Variants in RTF1 observed in about 807,000 individuals in gnomAD.
RTF1 encodes RTF1 homolog, Paf1/RNA polymerase II complex component.
A neutral mutation model predicts 95.7 loss-of-function variants in RTF1; 10 were observed. That is an observed-to-expected ratio of 0.10 (90% confidence interval 0.06 to 0.18). The LOEUF is 0.18. Ranked by LOEUF, RTF1 falls within the 10% of genes least tolerant of loss-of-function variation. RTF1 has a pLI of 1.00. For synonymous variants in RTF1, 305 were observed against 311.8 expected, an observed-to-expected ratio of 0.98 and a Z score of 0.23; for missense variants, 458 against 875.6, an observed-to-expected ratio of 0.52 and a Z score of 6.02.
intron 3 of RTF1, among the ~76,000 whole-genome samples, chr15:41,454,324 C>T (rs2050802349): frequency 6.6e-6 from 1 of 152,082 alleles, no homozygotes; most frequent in African/African-American, 2.4e-5. Flanking sequence ...CTCCTGACCT[C>T]AGGTGATCCA....
rs866236669 is a variant in RTF1, at chr15:41,452,199, G to A, written c.310-702G>A. Among the ~76,000 whole-genome samples the A allele has an allele frequency of 3.3e-5, 5 of 152,170 alleles. No homozygotes were observed. The East Asian group carries it at 7.7e-4, about 23-fold the overall frequency. ...ACCTGTAATCCCAGCATTTTGGGAC[G>A]CCAAGGCAGGCAAATTGCTTGAGCT... On this transcript the variant is annotated intron_variant, in intron 2 of 17. Coordinates refer to ENST00000389629, the MANE Select transcript of RTF1 (RefSeq NM_015138.5).
chr15:41,475,081 G>T (rs1020902503), intron 9 of RTF1, among the ~76,000 whole-genome samples: 3 of 152,150 alleles, frequency 2.0e-5, no homozygotes, highest in African/African-American at 7.2e-5. Context: ...TTCCTCTTCA[G>T]TAAAATGAAA....
chr15:41,437,921 A>G lies in RTF1; in HGVS notation c.199-400A>G, dbSNP rs2050713016. On this transcript the variant is annotated intron_variant, in intron 1 of 17. Coordinates refer to ENST00000389629, the MANE Select transcript of RTF1 (RefSeq NM_015138.5). ...TTGTAAGCTTATTCAAAACTGCCCCACAAATGCCAATTTTACCATTAAAAT... is the reference window on the plus strand; with the variant it reads ...TTGTAAGCTTATTCAAAACTGCCCCGCAAATGCCAATTTTACCATTAAAAT... 2.6e-5 allele frequency among the ~76,000 whole-genome samples: 4 copies of G among 152,188 alleles called. No individual in the cohort carries two copies. In the South Asian group the frequency reaches 8.3e-4, roughly 32 times the overall value.
chr15:41,479,097 T>A lies in RTF1; in HGVS notation c.1819-6T>A. 6.2e-7 allele frequency: 1 copy of A among 1,605,964 alleles called. No individual in the cohort carries two copies. Among genetic ancestry groups the A allele is most frequent in the Non-Finnish European group, 8.5e-7 (1 of 1,172,810 alleles). ...AATCTCTAAAACAACTTATTTTCTC[T>A]CTCAGTCCAGAGACCCAGCTGTTCA... is the stretch of plus-strand genomic sequence containing the variant. On this transcript the variant is annotated splice_polypyrimidine_tract_variant and splice_region_variant and intron_variant, in intron 15 of 17. Coordinates refer to ENST00000389629, the MANE Select transcript of RTF1 (RefSeq NM_015138.5).
intron 6 of RTF1, among the ~76,000 whole-genome samples, chr15:41,468,649 C>A (rs956232916): frequency 2.0e-5 from 3 of 152,026 alleles, no homozygotes; most frequent in Non-Finnish European, 2.9e-5. Flanking sequence ...TATTTAGTTA[C>A]CCCCCAGGCA....
Position 41,480,724 on chromosome 15 carries a change from C to A in RTF1, c.*37C>A. On this transcript the variant is annotated 3_prime_UTR_variant, in exon 18 of 18. Transcript: ENST00000389629. ...CTGCTGCTTCTGACCCTGCATGCCC[C>A]ATCGCAGCGTCCCACCTTTCCTCCT... 1 of 1,411,404 alleles carries A rather than the reference C, an allele frequency of 7.1e-7. No homozygotes were observed. The highest frequency in any genetic ancestry group is 1.0e-6 in the Non-Finnish European group (1 of 995,488). 87.4% of individuals were successfully genotyped at this position (1,411,404 alleles called of 1,614,324 possible).
intron 2 of RTF1, among the ~76,000 whole-genome samples, chr15:41,451,124 ACTT>A (rs2050787675): frequency 6.6e-6 from 1 of 152,126 alleles, no homozygotes; most frequent in South Asian, 2.1e-4. Flanking sequence ...AAAAGAATTT[ACTT>A]CTTCTATTAC....
Position 41,457,744 on chromosome 15 carries a change from A to C in RTF1, c.530A>C (p.Glu177Ala). The change falls in exon 4 of 18, where the codon GAG becomes GCG. Residue 177 changes from glutamate to alanine, a missense_variant. Physicochemically the swap from Glu to Ala is moderately radical, Grantham distance 107. This residue lies in a region of RTF1 where 15 missense variants were observed against 28.4 expected (regional missense o/e 0.53). Coordinates refer to ENST00000389629, the MANE Select transcript of RTF1 (RefSeq NM_015138.5). ...TCAGACTCTTCCTCAGAAGATGAAGAGTTCCATGATGGCTATGGAGAAGAC... is the reference window on the plus strand; with the variant it reads ...TCAGACTCTTCCTCAGAAGATGAAGCGTTCCATGATGGCTATGGAGAAGAC... ...SDSDSSSEDEEFHDGYGEDLM... is the reference protein window; with the variant it reads ...SDSDSSSEDEAFHDGYGEDLM... 1 of 1,614,148 alleles carries C rather than the reference A, an allele frequency of 6.2e-7. No individual in the cohort carries two copies. Among genetic ancestry groups the C allele is most frequent in the Non-Finnish European group, 8.5e-7 (1 of 1,180,024 alleles).
intron 3 of RTF1, among the ~76,000 whole-genome samples, chr15:41,455,017 A>T (rs1156833623): frequency 6.6e-6 from 1 of 152,162 alleles, no homozygotes; most frequent in Admixed American, 6.6e-5. Context: ...TGGATAAAGA[A>T]AATGTGTATG....
intron 8 of RTF1, among the ~76,000 whole-genome samples, chr15:41,472,122 C>T (rs2050915279): frequency 6.6e-6 from 1 of 151,920 alleles, no homozygotes. Context: ...TGGTCTTGAA[C>T]TCTTGACCTT....
rs182934683 is a variant in RTF1, at chr15:41,444,594, C to T, written c.309+6163C>T. Among the ~76,000 whole-genome samples the T allele has an allele frequency of 2.5e-3, 387 of 152,138 alleles. 2 individuals carry two copies. Among genetic ancestry groups the T allele is most frequent in the South Asian group, 6.4e-3 (31 of 4,816 alleles). ...ACAGGCGTGACCATCGCGGCCGGCC[C>T]GTTAGATATTATATGTAGTAGTTTT... On this transcript the variant is annotated intron_variant, in intron 2 of 17. Coordinates refer to ENST00000389629, the MANE Select transcript of RTF1 (RefSeq NM_015138.5).
At chr15:41,460,268 G>T (rs1256077592) in intron 4 of RTF1, among the ~76,000 whole-genome samples, 5 of 150,976 alleles carry the variant, frequency 3.3e-5, no homozygotes, top group South Asian at 4.2e-4. Context: ...GATTACAGAC[G>T]CCCGCCACAA....
Position 41,480,423 on chromosome 15 carries a change from A to G in RTF1, c.2026+98A>G, listed in dbSNP as rs115784398. On this transcript the variant is annotated intron_variant, in intron 17 of 17. Transcript: ENST00000389629. ...GCCCACTTTTAGGGAAGAAAGGGGAATGCTGGCTCATCAGCATCCACAGGC... is the reference window on the plus strand; with the variant it reads ...GCCCACTTTTAGGGAAGAAAGGGGAGTGCTGGCTCATCAGCATCCACAGGC... The G allele has an allele frequency of 1.6e-4, 164 of 1,010,568 alleles. 1 individual carries two copies. In the African/African-American group the frequency reaches 2.5e-3, roughly 15 times the overall value. The allele number at this position is 1,010,568 out of a possible 1,614,324, so 62.6% of individuals were successfully genotyped here.
chr15:41,477,024 A>G (rs1215881305), intron 12 of RTF1, 141 bp from the exon 13 acceptor site: 1 of 1,006,604 alleles, frequency 9.9e-7, no homozygotes, highest in Non-Finnish European at 1.5e-6. Context: ...TTTGTAAAGT[A>G]CTTCTACAGT....
At chr15:41,451,307 A>C (rs895822665) in intron 2 of RTF1, among the ~76,000 whole-genome samples, 4 of 152,242 alleles carry the variant, frequency 2.6e-5, no homozygotes, top group African/African-American at 4.8e-5. Flanking sequence ...AAAGTTTCTG[A>C]GTAAAGTATT....
rs140933007 is a variant in RTF1 at position 41,444,503 on chromosome 15, C to G, written c.309+6072C>G. ...AGAGATGGGGTTTCACCGTGTTACC[C>G]AGGCTGGTGTTGAACTCCTGAGCTC... On this transcript the variant is annotated intron_variant, in intron 2 of 17. Transcript: ENST00000389629. Among the ~76,000 whole-genome samples, 636 of 152,134 alleles carry G rather than the reference C, an allele frequency of 4.2e-3. 5 individuals carry two copies. The highest frequency in any genetic ancestry group is 0.014 in the African/African-American group (595 of 41,518).
chr15:41,454,801 A>G lies in RTF1; in HGVS notation c.457+1753A>G, dbSNP rs555034308. 2.6e-5 allele frequency among the ~76,000 whole-genome samples: 4 copies of G among 152,340 alleles called. No individual in the cohort carries two copies. In the South Asian group the frequency reaches 8.3e-4, roughly 32 times the overall value. On this transcript the variant is annotated intron_variant, in intron 3 of 17. Coordinates refer to ENST00000389629, the MANE Select transcript of RTF1 (RefSeq NM_015138.5). ...CCAAACCAAATGAAGTGGACATTTG[A>G]TAACTGTTGCTATTTCAACTTAAAT...
chr15:41,438,561 A>G (rs2050716774), intron 2 of RTF1, 130 bp downstream of exon 2: 9 of 579,638 alleles, frequency 1.6e-5, no homozygotes, highest in Non-Finnish European at 2.7e-5. Flanking sequence ...TATTGGGGAA[A>G]GAAAATGGTG....
chr15:41,463,272 G>C (rs151049260), intron 4 of RTF1, among the ~76,000 whole-genome samples: 142 of 152,188 alleles, frequency 9.3e-4, no homozygotes, highest in African/African-American at 3.4e-3. Context: ...TATTGTGACT[G>C]GTGCTGCTGT....
Sources: allele counts gnomAD v4.1 joint callset (sites outside exome capture counted in the v4.1 genomes callset), GRCh38; gene constraint gnomAD v4.1.1; regional missense constraint gnomAD v4.1.1; transcripts MANE v1.5; gene names NCBI Gene and HGNC (gene_info 2026-07-23, HGNC 2026-07-21).